Variants in ATOSB observed in about 807,000 individuals in gnomAD.
ATOSB encodes the protein atos homolog B.
At chr9:35,109,161 C>A in the ATOSB span, 1 of 152,244 alleles carries the variant, frequency 6.6e-6, no homozygotes, top group African/African-American at 2.4e-5. Context: ...GGGACAAGTG[C>A]CATCCTAGGG....
the ATOSB span, chr9:35,106,072 T>C: frequency 1.3e-6 from 2 of 1,554,538 alleles, no homozygotes; most frequent in Non-Finnish European, 1.7e-6. The surrounding 1 kb of genome is among the most constrained non-coding windows in gnomAD (Gnocchi z 4.6). Context: ...CCTAAACACA[T>C]GTCCCTCTCC....
the ATOSB span, among the ~76,000 whole-genome samples, chr9:35,115,484 C>T: frequency 6.6e-6 from 1 of 151,902 alleles, no homozygotes; most frequent in Admixed American, 6.6e-5. Context: ...GACCCTCCGA[C>T]ACCGCTACAC....
the ATOSB span, chr9:35,109,413 C>T: frequency 2.6e-5 from 4 of 152,350 alleles, no homozygotes; most frequent in African/African-American, 9.6e-5. Flanking sequence ...GATAAGGCCG[C>T]AGCAGTCAGT....
At chr9:35,106,116 C>T in the ATOSB span, 1,172 of 1,505,072 alleles carry the variant, frequency 7.8e-4, 12 homozygotes, top group South Asian at 0.013. This position sits in a 1 kb window ranked among gnomAD's most constrained non-coding sequence, Gnocchi z 4.6. Context: ...CCCTGCCCTA[C>T]AGTAGAGTTC....
At chr9:35,107,319 CAAAAAAAAAAA>C in the ATOSB span, 6 of 1,161,264 alleles carry the variant, frequency 5.2e-6, no homozygotes, top group African/African-American at 5.1e-5. Context: ...GATCCCATCT[CAAAAAAAAAAA>C]AAAAAAAAAA....
the ATOSB span, chr9:35,106,652 G>A: frequency 1.9e-6 from 3 of 1,546,110 alleles, no homozygotes; most frequent in Non-Finnish European, 2.6e-6. This position sits in a 1 kb window ranked among gnomAD's most constrained non-coding sequence, Gnocchi z 4.6. Flanking sequence ...TCCTGGTAGA[G>A]GAAGGGAAAC....
chr9:35,115,441 G>GC, the ATOSB span, among the ~76,000 whole-genome samples: 1 of 151,842 alleles, frequency 6.6e-6, no homozygotes, highest in Non-Finnish European at 1.5e-5. Context: ...CTCAAGTTGG[G>GC]CCTACAACCC....
the ATOSB span, chr9:35,108,166 TGTA>T: frequency 5.1e-5 from 81 of 1,592,374 alleles, no homozygotes; most frequent in African/African-American, 1.1e-3. Flanking sequence ...CCTGCTGGGC[TGTA>T]GCCCATGAGC....
At chr9:35,105,883 TAGGGCCTG>T in the ATOSB span, 10 of 1,613,822 alleles carry the variant, frequency 6.2e-6, no homozygotes, top group Non-Finnish European at 8.5e-6. This position sits in a 1 kb window ranked among gnomAD's most constrained non-coding sequence, Gnocchi z 5.5. Flanking sequence ...TCAAGGTTGG[TAGGGCCTG>T]AGGGCTGCTT....
the ATOSB span, among the ~76,000 whole-genome samples, chr9:35,113,547 C>A: frequency 2.0e-5 from 3 of 152,030 alleles, no homozygotes; most frequent in African/African-American, 7.2e-5. Flanking sequence ...TCACTTGAAC[C>A]CAGGAGGCGG....
At chr9:35,105,324 A>G in the ATOSB span, 1 of 1,614,162 alleles carries the variant, frequency 6.2e-7, no homozygotes, top group Admixed American at 1.7e-5. This position sits in a 1 kb window ranked among gnomAD's most constrained non-coding sequence, Gnocchi z 5.5. Flanking sequence ...GGAAAAAAGC[A>G]GGCGGATATC....
the ATOSB span, chr9:35,106,820 GC>G: frequency 3.2e-6 from 5 of 1,564,152 alleles, no homozygotes; most frequent in East Asian, 1.2e-4. The surrounding 1 kb of genome is among the most constrained non-coding windows in gnomAD (Gnocchi z 4.6). Flanking sequence ...AGAGGAAAAA[GC>G]TGGTCACTTA....
chr9:35,114,262 C>T, the ATOSB span, among the ~76,000 whole-genome samples: 3 of 152,238 alleles, frequency 2.0e-5, no homozygotes, highest in Non-Finnish European at 4.4e-5. Context: ...GGCCCGCCCT[C>T]TCTGAGAGAC....
chr9:35,107,551 G>C, the ATOSB span: 4 of 1,596,262 alleles, frequency 2.5e-6, no homozygotes, highest in African/African-American at 2.7e-5. Flanking sequence ...AGCAGCCTTC[G>C]CTTGGTGGGG....
the ATOSB span, chr9:35,104,599 A>C: frequency 4.8e-6 from 2 of 420,580 alleles, no homozygotes; most frequent in African/African-American, 4.2e-5. Flanking sequence ...ACACATACGC[A>C]TAACTTGGCT....
the ATOSB span, chr9:35,105,550 T>C: frequency 4.7e-6 from 5 of 1,069,564 alleles, no homozygotes; most frequent in East Asian, 7.8e-5. This position sits in a 1 kb window ranked among gnomAD's most constrained non-coding sequence, Gnocchi z 5.5. Context: ...TACATACATA[T>C]ATATGTACAT....
At chr9:35,105,411 G>A in the ATOSB span, 3 of 1,581,606 alleles carry the variant, frequency 1.9e-6, no homozygotes, top group East Asian at 4.5e-5. This position sits in a 1 kb window ranked among gnomAD's most constrained non-coding sequence, Gnocchi z 5.5. Flanking sequence ...AAGAATCCAG[G>A]CTGGGTTCAG....
At chr9:35,105,378 G>A in the ATOSB span, 2 of 1,607,928 alleles carry the variant, frequency 1.2e-6, no homozygotes, top group East Asian at 2.2e-5. The surrounding 1 kb of genome is among the most constrained non-coding windows in gnomAD (Gnocchi z 5.5). Flanking sequence ...CCGGAACCTG[G>A]AGGAGGACAA....
chr9:35,107,893 G>C, the ATOSB span: 3 of 1,594,734 alleles, frequency 1.9e-6, no homozygotes, highest in Non-Finnish European at 2.6e-6. Flanking sequence ...CTACTTCTCT[G>C]TTCCACAACA....
Sources: gnomAD v4.1 joint callset for allele counts (sites outside exome capture counted in the v4.1 genomes callset) on GRCh38, gnomAD v4.1.1 for gene constraint, Gnocchi (gnomAD v3.1) non-coding constraint, MANE v1.5 for transcripts, NCBI Gene and HGNC (gene_info 2026-07-23, HGNC 2026-07-21) for gene names.